Variants in CWF19L2 observed in about 807,000 individuals in gnomAD.
CWF19L2 encodes CWF19 like cell cycle control factor 2.
Under a neutral mutation model 111.7 loss-of-function variants are expected in CWF19L2, and 98 were observed. The ratio of observed to expected loss-of-function variants is 0.88; its 90% confidence interval spans 0.75 to 1.04. CWF19L2 has a LOEUF of 1.04. Ranked by LOEUF, CWF19L2 falls within the 50% of genes least tolerant of loss-of-function variation. The probability of loss-of-function intolerance (pLI) is 0.00; values close to 1 mark genes in which losing one functional copy is unlikely to be tolerated. For missense variants in CWF19L2, 1,101 were observed against 1,051.4 expected, an observed-to-expected ratio of 1.05 and a Z score of -0.65; for synonymous variants, 351 against 342.9, an observed-to-expected ratio of 1.02 and a Z score of -0.26.
Position 107,368,174 on chromosome 11 carries a change from A to G in CWF19L2, c.1873-14438T>C, listed in dbSNP as rs533712482. ...AAGATAAAAAGTTGACTCTGAAAAG[A>G]TAAACAAAATTGACAAACTGCTAGC... On this transcript the variant is annotated intron_variant, in intron 12 of 17. Transcript: ENST00000282251. 6.7e-5 allele frequency among the ~76,000 whole-genome samples: 9 copies of G among 133,930 alleles called. 2 individuals carry two copies. Among genetic ancestry groups the G allele is most frequent in the Non-Finnish European group, 1.3e-4 (8 of 62,792 alleles). 87.9% of individuals were successfully genotyped at this position (133,930 alleles called of 152,430 possible). A position where few individuals can be genotyped will look rare whatever the true frequency, so the allele number is the denominator to read the frequency against.
At chr11:107,346,192 A>G (rs1860077744) in intron 14 of CWF19L2, among the ~76,000 whole-genome samples, 1 of 152,206 alleles carries the variant, frequency 6.6e-6, no homozygotes, top group African/African-American at 2.4e-5. Flanking sequence ...GCTATATAGG[A>G]CTGATTTTGG....
At chr11:107,354,503 T>A (rs564180041) in intron 12 of CWF19L2, among the ~76,000 whole-genome samples, 2 of 152,024 alleles carry the variant, frequency 1.3e-5, no homozygotes, top group Admixed American at 1.3e-4. Flanking sequence ...ACCAGAAGAG[T>A]TTTAGATTTC....
intron 14 of CWF19L2, among the ~76,000 whole-genome samples, chr11:107,342,824 A>G (rs924482921): frequency 1.2e-4 from 19 of 152,316 alleles, no homozygotes; most frequent in African/African-American, 3.4e-4. Flanking sequence ...TGTAATTAAA[A>G]GTTTCCTTAT....
In CWF19L2 at chr11:107,326,746, G is replaced by A; in HGVS notation, c.*164C>T. On this transcript the variant is annotated 3_prime_UTR_variant, in exon 18 of 18. Coordinates refer to ENST00000282251, the MANE Select transcript of CWF19L2 (RefSeq NM_152434.3). ...AAGTCCATAGATAGGAGCAGGTGAA[G>A]AAGAAAACAACACAATCTCCTGATG... 2.0e-6 allele frequency: 1 copy of A among 498,770 alleles called. No individual in the cohort carries two copies. The highest frequency in any genetic ancestry group is 3.5e-6 in the Non-Finnish European group (1 of 288,188). 30.9% of individuals were successfully genotyped at this position (498,770 alleles called of 1,614,324 possible).
At chr11:107,439,290 A>T (rs1312139103) in intron 5 of CWF19L2, 107 bp from the exon 6 acceptor site, 1 of 658,312 alleles carries the variant, frequency 1.5e-6, no homozygotes, top group African/African-American at 1.9e-5. Flanking sequence ...CCCTGGACAA[A>T]TCATTTAAAA....
intron 12 of CWF19L2, among the ~76,000 whole-genome samples, chr11:107,361,077 G>A (rs1272749838): frequency 2.6e-5 from 4 of 152,102 alleles, no homozygotes; most frequent in African/African-American, 7.2e-5. Context: ...AGTTTTTATG[G>A]TTTCAAGTTC....
At chr11:107,457,662 C>T (rs759384975) in intron 1 of CWF19L2, 50 bp downstream of exon 1, 5 of 1,395,850 alleles carry the variant, frequency 3.6e-6, no homozygotes, top group South Asian at 1.2e-5. Flanking sequence ...TACGGGAACC[C>T]TCAACTCCCA....
chr11:107,456,628 C>A (rs1861859222), intron 1 of CWF19L2, among the ~76,000 whole-genome samples: 1 of 151,596 alleles, frequency 6.6e-6, no homozygotes. Context: ...CAGAGAACTG[C>A]TGAAGCAACA....
intron 12 of CWF19L2, among the ~76,000 whole-genome samples, chr11:107,354,391 A>T (rs1276065663): frequency 6.6e-6 from 1 of 152,130 alleles, no homozygotes; most frequent in Non-Finnish European, 1.5e-5. Context: ...TATAACCTTG[A>T]ACATATTATT....
At position 107,368,532 on chromosome 11, in the gene CWF19L2, A is replaced by G. The variant is rs1012089329; in HGVS notation, c.1873-14796T>C. 1.0e-4 allele frequency among the ~76,000 whole-genome samples: 14 copies of G among 138,200 alleles called. 4 individuals are homozygous for G. The highest frequency in any genetic ancestry group is 2.0e-4 in the African/African-American group (7 of 34,790). The allele number at this position is 138,200 out of a possible 152,430, so 90.7% of individuals were successfully genotyped here. A position where few individuals can be genotyped will look rare whatever the true frequency, so the allele number is the denominator to read the frequency against. On this transcript the variant is annotated intron_variant, in intron 12 of 17. Coordinates refer to ENST00000282251, the MANE Select transcript of CWF19L2 (RefSeq NM_152434.3). ...ACTACTAAACTTCATGAATAATCAT[A>G]TACAGAAGAGAAGAAAGATATAAAG...
chr11:107,367,078 G>A lies in CWF19L2; in HGVS notation c.1873-13342C>T, dbSNP rs1191119657. On this transcript the variant is annotated intron_variant, in intron 12 of 17. Transcript: ENST00000282251. ...GCAGCCAAAAAACACATGAAAAAATGCTCATCATCACTGGCCATCAGAGAA... is the reference window on the plus strand; with the variant it reads ...GCAGCCAAAAAACACATGAAAAAATACTCATCATCACTGGCCATCAGAGAA... 1.7e-5 allele frequency among the ~76,000 whole-genome samples: 2 copies of A among 116,376 alleles called. 1 individual carries two copies. The highest frequency in any genetic ancestry group is 3.7e-5 in the Non-Finnish European group (2 of 54,246). 76.3% of individuals were successfully genotyped at this position (116,376 alleles called of 152,430 possible). A position where few individuals can be genotyped will look rare whatever the true frequency, so the allele number is the denominator to read the frequency against.
At chr11:107,334,779 C>T (rs75471394) in intron 16 of CWF19L2, 102 bp downstream of exon 16, 34,683 of 763,586 alleles carry the variant, frequency 0.045, 1,927 homozygotes, top group East Asian at 0.23. Flanking sequence ...ATTTCGCCTT[C>T]AGTCACTCAA....
At chr11:107,390,279 C>T (rs1250599287) in intron 11 of CWF19L2, 68 bp from the exon 12 acceptor site, 5 of 1,210,786 alleles carry the variant, frequency 4.1e-6, no homozygotes, top group Non-Finnish European at 5.7e-6. Context: ...TGATGGATTA[C>T]ATAAATATCT....
chr11:107,448,652 T>C (rs1028704460), intron 3 of CWF19L2, among the ~76,000 whole-genome samples: 2 of 152,150 alleles, frequency 1.3e-5, no homozygotes, highest in Non-Finnish European at 2.9e-5. Flanking sequence ...AATTCTTATG[T>C]TGAGATCCTG....
chr11:107,348,062 TGC>T, intron 14 of CWF19L2, among the ~76,000 whole-genome samples: 1 of 152,306 alleles, frequency 6.6e-6, no homozygotes, highest in Admixed American at 6.5e-5. Flanking sequence ...TTCTTACTTT[TGC>T]TTGGTTGCAG....
chr11:107,398,646 G>A (rs1447781720), intron 10 of CWF19L2, among the ~76,000 whole-genome samples: 3 of 152,196 alleles, frequency 2.0e-5, no homozygotes, highest in East Asian at 3.8e-4. Context: ...CCAGCCTTGT[G>A]AGAGACGTAG....
intron 13 of CWF19L2, among the ~76,000 whole-genome samples, chr11:107,352,055 G>C (rs1224812252): frequency 6.6e-6 from 1 of 152,158 alleles, no homozygotes; most frequent in Non-Finnish European, 1.5e-5. Context: ...TTACACTCCT[G>C]AGGTCTGAGA....
chr11:107,438,369 G>A (rs1861571521), intron 6 of CWF19L2, among the ~76,000 whole-genome samples: 3 of 152,260 alleles, frequency 2.0e-5, no homozygotes, highest in Middle Eastern at 3.4e-3. Context: ...GAAAATAATA[G>A]CACTCTCCTA....
rs544354876 is a variant in CWF19L2, at chr11:107,451,322, C to T, written c.339+3128G>A. On this transcript the variant is annotated intron_variant, in intron 3 of 17. Transcript: ENST00000282251. ...AAAGTTACGTAGAGATACAACAGTG[C>T]TATGAGAAAATTTTATAAAATAAAT... 2.0e-5 allele frequency among the ~76,000 whole-genome samples: 3 copies of T among 152,054 alleles called. No individual in the cohort carries two copies. In the East Asian group the frequency reaches 5.8e-4, roughly 29 times the overall value.
Sources: allele counts gnomAD v4.1 joint callset (sites outside exome capture counted in the v4.1 genomes callset), GRCh38; gene constraint gnomAD v4.1.1; transcripts MANE v1.5; gene names NCBI Gene and HGNC (gene_info 2026-07-23, HGNC 2026-07-21).